Variants in GRIA3 observed in about 807,000 individuals in gnomAD.
The protein encoded by GRIA3 is glutamate ionotropic receptor AMPA type subunit 3.
A neutral mutation model predicts 63.0 loss-of-function variants in GRIA3; 3 were observed. The observed-to-expected ratio is 0.05, with a 90% CI of 0.02 to 0.12. The LOEUF (loss-of-function observed/expected upper bound fraction) is 0.12. Among genes scored for constraint, GRIA3 ranks in the 10% least tolerant of loss-of-function variants. The pLI is 1.00. For missense variants in GRIA3, 347 were observed against 700.9 expected (o/e 0.50, Z 5.70); for synonymous variants, 274 against 257.9 (o/e 1.06, Z -0.60).
chrX:123,406,499 C>A (rs1225422290), intron 10 of GRIA3, among the ~76,000 whole-genome samples: 2 of 111,702 alleles, frequency 1.8e-5, no homozygotes, highest in Non-Finnish European at 3.8e-5. Flanking sequence ...TAAATAAGTT[C>A]TTGGAACAGG....
At chrX:123,269,141 T>A (rs2044505607) in intron 3 of GRIA3, among the ~76,000 whole-genome samples, 1 of 111,762 alleles carries the variant, frequency 8.9e-6, no homozygotes, top group Non-Finnish European at 1.9e-5. Flanking sequence ...TCACATCGAT[T>A]AGCAAGTCAA....
At chrX:123,249,362 T>A (rs1272880545) in intron 2 of GRIA3, among the ~76,000 whole-genome samples, 1 of 112,263 alleles carries the variant, frequency 8.9e-6, no homozygotes, top group Non-Finnish European at 1.9e-5. Flanking sequence ...TCAAACATTC[T>A]AAGAATCTAA....
At position 123,263,293 on chromosome X, in the gene GRIA3, T is replaced by C. The variant is rs188544528; in HGVS notation, c.508+9751T>C. On this transcript the variant is annotated intron_variant, in intron 3 of 15. Transcript: ENST00000620443. ...ACTTCACCTCCAACTGAAGTCTCTG[T>C]AGAGCATTCCCATTCAGAGGAAAGA... Among the ~76,000 whole-genome samples the C allele has an allele frequency of 1.3e-3, 140 of 111,936 alleles. 1 individual carries two copies. Among genetic ancestry groups the C allele is most frequent in the Non-Finnish European group, 1.1e-3 (60 of 53,116 alleles).
At chrX:123,444,281 A>G (rs1463314887) in intron 12 of GRIA3, among the ~76,000 whole-genome samples, 1 of 111,326 alleles carries the variant, frequency 9.0e-6, no homozygotes, top group Non-Finnish European at 1.9e-5. Context: ...AGCTGGGTAG[A>G]CATAAACCTG....
At chrX:123,419,555 C>T (rs757345253) in intron 11 of GRIA3, among the ~76,000 whole-genome samples, 3 of 110,964 alleles carry the variant, frequency 2.7e-5, no homozygotes, top group Admixed American at 9.6e-5. Context: ...ACAGAAAGTA[C>T]GTTAGTTGTT....
At chrX:123,363,761 T>C (rs754871577) in intron 5 of GRIA3, among the ~76,000 whole-genome samples, 2 of 112,678 alleles carry the variant, frequency 1.8e-5, no homozygotes, top group South Asian at 3.6e-4. Flanking sequence ...TTATGAAATA[T>C]AGCAGAACCT....
chrX:123,392,158 G>A (rs2045390147), intron 5 of GRIA3, among the ~76,000 whole-genome samples: 1 of 112,313 alleles, frequency 8.9e-6, no homozygotes, highest in African/African-American at 3.2e-5. Flanking sequence ...TAAACAGGTA[G>A]CTTGGGAGCA....
At chrX:123,252,329 C>T (rs1236126958) in intron 2 of GRIA3, among the ~76,000 whole-genome samples, 5 of 112,224 alleles carry the variant, frequency 4.5e-5, no homozygotes, top group African/African-American at 1.6e-4. Context: ...CCATGCAGGA[C>T]CCCTTAAATC....
At chrX:123,354,025 G>C (rs1033313854) in intron 4 of GRIA3, among the ~76,000 whole-genome samples, 1 of 111,832 alleles carries the variant, frequency 8.9e-6, no homozygotes, top group Non-Finnish European at 1.9e-5. Context: ...AATGTACTTC[G>C]TGAACTGTAC....
intron 9 of GRIA3, among the ~76,000 whole-genome samples, chrX:123,404,250 C>T (rs1272658918): frequency 1.8e-5 from 2 of 110,884 alleles, no homozygotes; most frequent in Admixed American, 9.7e-5. Context: ...AAGTACTATA[C>T]TAGGCCCTGG....
intron 2 of GRIA3, among the ~76,000 whole-genome samples, chrX:123,202,135 T>C (rs1406615454): frequency 8.9e-6 from 1 of 112,598 alleles, no homozygotes; most frequent in Non-Finnish European, 1.9e-5. Context: ...CTGGCATGCA[T>C]ACAGCCCACG....
At chrX:123,207,988 G>A (rs1007351801) in intron 2 of GRIA3, among the ~76,000 whole-genome samples, 2 of 112,190 alleles carry the variant, frequency 1.8e-5, no homozygotes, top group Non-Finnish European at 1.9e-5. Flanking sequence ...AAACACTATT[G>A]AAGATCAGCC....
chrX:123,297,275 T>G (rs2044691306), intron 3 of GRIA3, among the ~76,000 whole-genome samples: 1 of 111,982 alleles, frequency 8.9e-6, no homozygotes, highest in African/African-American at 3.2e-5. Flanking sequence ...ATCGTCACAC[T>G]GCACATTCCA....
intron 3 of GRIA3, among the ~76,000 whole-genome samples, chrX:123,324,415 T>A (rs953978769): frequency 1.8e-5 from 2 of 111,880 alleles, no homozygotes; most frequent in Non-Finnish European, 3.8e-5. Context: ...ATTAGTGAGA[T>A]TCAAAATAAT....
intron 2 of GRIA3, among the ~76,000 whole-genome samples, chrX:123,189,251 T>C (rs1460072620): frequency 1.8e-5 from 2 of 112,458 alleles, no homozygotes; most frequent in Non-Finnish European, 3.8e-5. Context: ...GTGAATTCTT[T>C]GGCTTCAGGA....
intron 9 of GRIA3, among the ~76,000 whole-genome samples, 170 bp downstream of exon 9, chrX:123,403,689 T>C (rs1406630992): frequency 8.9e-6 from 1 of 112,020 alleles, no homozygotes; most frequent in African/African-American, 3.2e-5. Flanking sequence ...CAGAATGTCA[T>C]TTAACAAAAA....
At chrX:123,314,838 C>T (rs1453161107) in intron 3 of GRIA3, among the ~76,000 whole-genome samples, 1 of 112,162 alleles carries the variant, frequency 8.9e-6, no homozygotes, top group Non-Finnish European at 1.9e-5. Flanking sequence ...ACTTGGAATG[C>T]CTCAAGTAAG....
chrX:123,428,320 T>C (rs1022805121), intron 12 of GRIA3, among the ~76,000 whole-genome samples, 181 bp downstream of exon 12: 1 of 111,025 alleles, frequency 9.0e-6, no homozygotes, highest in African/African-American at 3.3e-5. Context: ...GAACCAAGAC[T>C]TGAGTAAGAC....
intron 10 of GRIA3, among the ~76,000 whole-genome samples, chrX:123,413,388 G>T (rs2147390510): frequency 9.2e-6 from 1 of 108,395 alleles, no homozygotes; most frequent in South Asian, 4.2e-4. Context: ...AAATTCAAAT[G>T]AAATCAAGTG....
Sources: allele counts gnomAD v4.1 joint callset (sites outside exome capture counted in the v4.1 genomes callset), GRCh38; gene constraint gnomAD v4.1.1; transcripts MANE v1.5; gene names NCBI Gene and HGNC (gene_info 2026-07-23, HGNC 2026-07-21).